Variants in KCNMB2 observed in about 807,000 individuals in gnomAD.
The protein encoded by KCNMB2 is potassium calcium-activated channel subfamily M regulatory beta subunit 2.
In KCNMB2, 9 loss-of-function variants were observed where a neutral mutation model predicts 24.5. The ratio of observed to expected loss-of-function variants is 0.37; its 90% CI spans 0.22 to 0.64. KCNMB2 has a LOEUF of 0.64. KCNMB2 is among the 30% of genes least tolerant of loss of function. The probability of loss-of-function intolerance (pLI) is 0.63; values close to 1 mark genes in which losing one functional copy is unlikely to be tolerated. For missense variants in KCNMB2, 226 were observed against 284.3 expected, an observed-to-expected ratio of 0.79 and a Z score of 1.47; for synonymous variants, 109 against 104.4, an observed-to-expected ratio of 1.04 and a Z score of -0.27.
At chr3:178,611,905 C>G (rs1718497226) in intron 1 of KCNMB2, among the ~76,000 whole-genome samples, 1 of 152,050 alleles carries the variant, frequency 6.6e-6, no homozygotes, top group South Asian at 2.1e-4. Context: ...AAACTTCCCT[C>G]TTAGTATTGT....
intron 1 of KCNMB2, among the ~76,000 whole-genome samples, chr3:178,757,642 A>G (rs191767210): frequency 8.3e-5 from 4 of 48,484 alleles, no homozygotes; most frequent in African/African-American, 3.6e-4. Flanking sequence ...ATGTATATAT[A>G]TCCAAGAGGA....
chr3:178,760,466 G>GAT (rs1275995388), intron 1 of KCNMB2, among the ~76,000 whole-genome samples: 1 of 105,410 alleles, frequency 9.5e-6, no homozygotes, highest in Non-Finnish European at 2.1e-5. Flanking sequence ...CCATATCCAA[G>GAT]ATATATATAT....
At position 178,767,046 on chromosome 3, in the gene KCNMB2, C is replaced by T. The variant is rs145205922; in HGVS notation, c.-67-40297C>T. ...TGATAGTCATAATTGATGTTACTGG[C>T]ATCCAGTGAGTAGAGGCCAGAGAGG... On this transcript the variant is annotated intron_variant, in intron 1 of 4. Coordinates refer to ENST00000452583, the MANE Select transcript of KCNMB2 (RefSeq NM_181361.3). Among the ~76,000 whole-genome samples, 394 of 152,276 alleles carry T rather than the reference C, an allele frequency of 2.6e-3. 1 individual carries two copies. Among genetic ancestry groups the T allele is most frequent in the African/African-American group, 9.0e-3 (372 of 41,564 alleles).
intron 1 of KCNMB2, among the ~76,000 whole-genome samples, chr3:178,735,079 C>G (rs1723273171): frequency 1.3e-5 from 2 of 152,202 alleles, no homozygotes; most frequent in African/African-American, 4.8e-5. Context: ...AAACAGGATG[C>G]CCCAGCATGT....
intron 1 of KCNMB2, among the ~76,000 whole-genome samples, chr3:178,594,554 G>A (rs1348067169): frequency 2.0e-5 from 3 of 152,048 alleles, no homozygotes; most frequent in Non-Finnish European, 2.9e-5. Flanking sequence ...AGATAGAATA[G>A]AAAGAGCATG....
chr3:178,547,198 C>T (rs1314257571), intron 1 of KCNMB2, among the ~76,000 whole-genome samples: 1 of 152,088 alleles, frequency 6.6e-6, no homozygotes, highest in Non-Finnish European at 1.5e-5. Flanking sequence ...TGTGTGTGCT[C>T]TCTTGCTCTT....
At chr3:178,621,368 C>A (rs1279715371) in intron 1 of KCNMB2, among the ~76,000 whole-genome samples, 1 of 152,026 alleles carries the variant, frequency 6.6e-6, no homozygotes, top group Non-Finnish European at 1.5e-5. Flanking sequence ...CCACCCTTCT[C>A]TCTCTGACAT....
chr3:178,627,546 T>C (rs1282064072), intron 1 of KCNMB2, among the ~76,000 whole-genome samples: 13 of 152,226 alleles, frequency 8.5e-5, no homozygotes, highest in Non-Finnish European at 8.8e-5. Context: ...ACTTTCATAA[T>C]AACATTCTAT....
intron 1 of KCNMB2, among the ~76,000 whole-genome samples, chr3:178,644,597 G>A (rs1719847232): frequency 6.6e-6 from 1 of 152,224 alleles, no homozygotes; most frequent in Non-Finnish European, 1.5e-5. Context: ...AAGCTCCAAT[G>A]TGTTCACAGA....
intron 1 of KCNMB2, among the ~76,000 whole-genome samples, chr3:178,802,341 AAAG>A (rs1167865808): frequency 1.3e-5 from 2 of 152,176 alleles, no homozygotes; most frequent in Non-Finnish European, 2.9e-5. Flanking sequence ...CTCATTTAAT[AAAG>A]AAGAGTTCAT....
intron 1 of KCNMB2, among the ~76,000 whole-genome samples, chr3:178,624,269 T>A (rs1719025811): frequency 6.6e-6 from 1 of 151,594 alleles, no homozygotes; most frequent in Admixed American, 6.6e-5. Flanking sequence ...TTTTTGCCTT[T>A]TTCTGGATTG....
chr3:178,811,208 A>G (rs1036444309), intron 2 of KCNMB2, among the ~76,000 whole-genome samples: 2 of 152,222 alleles, frequency 1.3e-5, no homozygotes, highest in South Asian at 2.1e-4. Flanking sequence ...TATTTATTAC[A>G]TATGTTAATA....
chr3:178,816,248 C>T (rs1348451366), intron 2 of KCNMB2, among the ~76,000 whole-genome samples: 2 of 151,762 alleles, frequency 1.3e-5, no homozygotes, highest in Non-Finnish European at 2.9e-5. Flanking sequence ...CTGTATATTT[C>T]AGGAAGTTAT....
At chr3:178,573,272 G>T (rs1441923098) in intron 1 of KCNMB2, among the ~76,000 whole-genome samples, 2 of 152,026 alleles carry the variant, frequency 1.3e-5, no homozygotes, top group Non-Finnish European at 2.9e-5. Context: ...GCATCCCAAA[G>T]TGCTGGGATT....
chr3:178,842,995 T>C lies in KCNMB2; in HGVS notation c.*58T>C, dbSNP rs1715482889. 7.0e-7 allele frequency: 1 copy of C among 1,425,800 alleles called. No homozygotes were observed. Among genetic ancestry groups the C allele is most frequent in the Non-Finnish European group, 9.6e-7 (1 of 1,040,350 alleles). The allele number at this position is 1,425,800 out of a possible 1,614,324, so 88.3% of individuals were successfully genotyped here. On this transcript the variant is annotated 3_prime_UTR_variant, in exon 5 of 5. Transcript: ENST00000452583. ...GCTCAAATACTGTTTTCTTTCATTC[T>C]TCACCAAAGAACCTTAAGTTTGTAA...
At chr3:178,647,506 C>A (rs1188677824) in intron 1 of KCNMB2, among the ~76,000 whole-genome samples, 1 of 152,190 alleles carries the variant, frequency 6.6e-6, no homozygotes, top group Non-Finnish European at 1.5e-5. Flanking sequence ...CCTAAGTCCA[C>A]CACTTATAAG....
At chr3:178,657,705 T>C (rs1720393423) in intron 1 of KCNMB2, among the ~76,000 whole-genome samples, 1 of 152,220 alleles carries the variant, frequency 6.6e-6, no homozygotes, top group South Asian at 2.1e-4. Flanking sequence ...GAAGTTTATT[T>C]GGCTGATGGT....
At chr3:178,680,415 C>T (rs1721229910) in intron 1 of KCNMB2, among the ~76,000 whole-genome samples, 1 of 152,188 alleles carries the variant, frequency 6.6e-6, no homozygotes, top group Non-Finnish European at 1.5e-5. Context: ...TGTCACTCAC[C>T]TGGGCTATTC....
chr3:178,676,096 G>A (rs947033760), intron 1 of KCNMB2, among the ~76,000 whole-genome samples: 5 of 152,062 alleles, frequency 3.3e-5, no homozygotes, highest in South Asian at 2.1e-4. Context: ...CCCATGTTAC[G>A]CCTCTAATAC....
Sources: gnomAD v4.1 joint callset for allele counts (sites outside exome capture counted in the v4.1 genomes callset) on GRCh38, gnomAD v4.1.1 for gene constraint, MANE v1.5 for transcripts, NCBI Gene and HGNC (gene_info 2026-07-23, HGNC 2026-07-21) for gene names.